PLTP: variants seen among roughly 807,000 people sequenced by gnomAD.
The protein encoded by PLTP is phospholipid transfer protein, also known as BPI fold containing family E.
A neutral mutation model predicts 54.1 loss-of-function variants in PLTP; 43 were observed. The ratio of observed to expected loss-of-function variants is 0.79; its 90% CI spans 0.62 to 1.02. PLTP has a LOEUF of 1.02. Among genes scored for constraint, PLTP ranks in the 50% least tolerant of loss-of-function variants. PLTP has a pLI of 0.00. For missense variants in PLTP, 604 were observed against 645.9 expected, an observed-to-expected ratio of 0.94 and a Z score of 0.70; for synonymous variants, 263 against 264.6, an observed-to-expected ratio of 0.99 and a Z score of 0.06.
chr20:45,910,486 G>T (rs964750958), intron 3 of PLTP, among the ~76,000 whole-genome samples: 16 of 152,042 alleles, frequency 1.1e-4, no homozygotes, highest in African/African-American at 3.9e-4. Context: ...GTGGTGGCAC[G>T]CGCCTGTAGT....
chr20:45,909,472 G>C (rs555395940), intron 5 of PLTP, 44 bp downstream of exon 5: 5 of 1,609,106 alleles, frequency 3.1e-6, no homozygotes, highest in Non-Finnish European at 4.3e-6. Context: ...CAGATGAGCT[G>C]TGGGGCTCGA....
intron 11 of PLTP, 45 bp from the exon 12 acceptor site, chr20:45,902,379 GTA>G (rs2083194898): frequency 6.2e-7 from 1 of 1,613,898 alleles, no homozygotes; most frequent in African/African-American, 1.3e-5. Context: ...CAGAAGGTCA[GTA>G]ACCCACAGCC....
chr20:45,900,398 C>T (rs1003529416), intron 12 of PLTP, among the ~76,000 whole-genome samples: 1 of 151,984 alleles, frequency 6.6e-6, no homozygotes, highest in Admixed American at 6.6e-5. Context: ...AGCCACCACG[C>T]CCGGCCTTTA....
intron 9 of PLTP, 30 bp from the exon 10 acceptor site, chr20:45,904,889 G>A (rs753641491): frequency 6.2e-7 from 1 of 1,614,072 alleles, no homozygotes; most frequent in South Asian, 1.1e-5. Context: ...GTGAGGGAGT[G>A]AGCTCTGTCA....
chr20:45,909,293 A>G (rs2083267806), intron 5 of PLTP, among the ~76,000 whole-genome samples: 1 of 151,960 alleles, frequency 6.6e-6, no homozygotes, highest in Non-Finnish European at 1.5e-5. Context: ...ATATACCAAC[A>G]CAAATAATCC....
At chr20:45,899,157 C>CA in intron 15 of PLTP, 94 bp from the exon 16 acceptor site, 2 of 1,525,506 alleles carry the variant, frequency 1.3e-6, no homozygotes, top group Non-Finnish European at 1.8e-6. Flanking sequence ...TTCAGGAACT[C>CA]AATCTAATGG....
rs1422549906 is a variant in PLTP at position 45,905,035 on chromosome 20, C to T, written c.789G>A (p.Met263Ile). Residue 263 changes from methionine to isoleucine, a missense_variant, in exon 9 of 16, where the codon ATG (methionine) becomes ATA (isoleucine). Transcript: ENST00000372431. ...AGAACTCAGAGAAGGCCACATACAC[C>T]ATCCGCTCTTCCTCCTGCAGCTGGG... ...VEPQLQEEER[M>I]VYVAFSEFFF... 1.2e-6 allele frequency: 2 copies of T among 1,614,098 alleles called. No individual in the cohort carries two copies. The highest frequency in any genetic ancestry group is 1.7e-6 in the Non-Finnish European group (2 of 1,180,044).
At chr20:45,903,109 G>A (rs2083202857) in intron 10 of PLTP, among the ~76,000 whole-genome samples, 2 of 152,118 alleles carry the variant, frequency 1.3e-5, no homozygotes, top group Admixed American at 1.3e-4. Context: ...CGCCATATTG[G>A]CCAGGCTAGT....
At chr20:45,902,145 A>T in intron 12 of PLTP, 122 bp downstream of exon 12, 1 of 1,059,664 alleles carries the variant, frequency 9.4e-7, no homozygotes, top group Non-Finnish European at 1.4e-6. Context: ...GGCATGCATT[A>T]ACAAAGACAG....
chr20:45,909,514 A>C lies in PLTP; in HGVS notation c.485+2T>G. 6.2e-7 allele frequency: 1 copy of C among 1,614,010 alleles called. No homozygotes were observed. The highest frequency in any genetic ancestry group is 8.5e-7 in the Non-Finnish European group (1 of 1,179,986). ...TGAGCTGGGGTTGGGGCTGGGGCTT[A>C]CTTGAAGGTTCCCCCGAAGGCCGCG... On this transcript the variant is annotated splice_donor_variant, in intron 5 of 15. Coordinates refer to ENST00000372431, the MANE Select transcript of PLTP (RefSeq NM_006227.4). LOFTEE classifies it high-confidence loss of function.
intron 10 of PLTP, among the ~76,000 whole-genome samples, chr20:45,903,418 C>T (rs942221633): frequency 9.2e-5 from 14 of 152,242 alleles, no homozygotes; most frequent in Middle Eastern, 3.4e-3. Context: ...TTCGTAGAGA[C>T]GGGGTTTGGC....
At position 45,911,409 on chromosome 20, in the gene PLTP, G is replaced by A; in HGVS notation, c.44C>T (p.Ala15Val). ...GALFLALLAGAHAEFPGCKIR... is the reference protein window; with the variant it reads ...GALFLALLAGVHAEFPGCKIR... ...CTTGCAGCCTGGGAACTCTGCATGT[G>A]CGCCTGCCAGCAGCGCTAGGAAGAG... Residue 15 changes from alanine (A) to valine (V), a missense_variant, in exon 2 of 16, where the codon GCA becomes GTA. Physicochemically the swap from Ala to Val is moderately conservative, Grantham distance 64 (BLOSUM62 0). Transcript: ENST00000372431. 1.2e-6 allele frequency: 2 copies of A among 1,608,652 alleles called. No individual in the cohort carries two copies. Among genetic ancestry groups the A allele is most frequent in the Non-Finnish European group, 1.7e-6 (2 of 1,179,998 alleles).
intron 5 of PLTP, 50 bp downstream of exon 5, chr20:45,909,466 T>C (rs1268514065): frequency 6.2e-7 from 1 of 1,604,716 alleles, no homozygotes. Flanking sequence ...GCTAGGCAGA[T>C]GAGCTGTGGG....
At chr20:45,906,166 G>T in intron 8 of PLTP, 102 bp downstream of exon 8, 1 of 783,760 alleles carries the variant, frequency 1.3e-6, no homozygotes, top group Non-Finnish European at 2.3e-6. Context: ...AATGGGAGTG[G>T]CCTCATCAGA....
intron 12 of PLTP, among the ~76,000 whole-genome samples, chr20:45,900,619 C>G (rs1042352946): frequency 6.6e-6 from 1 of 152,048 alleles, no homozygotes; most frequent in African/African-American, 2.4e-5. Context: ...CTTTGACCTC[C>G]AGGGCTCAAG....
rs371226806 is a variant in PLTP, at chr20:45,899,842, C to T, written c.1212G>A (p.Ser404=). 1.6e-5 allele frequency: 24 copies of T among 1,542,760 alleles called. No homozygotes were observed. The African/African-American group carries it at 1.8e-4, about 12-fold the overall frequency. Residue 404 remains serine, a synonymous_variant, in exon 13 of 16, where the codon TCG becomes TCA. Coordinates refer to ENST00000372431, the MANE Select transcript of PLTP (RefSeq NM_006227.4). ...RIYSNHSALE[S]LALIPLQAPL... ...CCCACCCTTCCCCACTCACAGCCAGCGACTCCAGTGCAGAATGGTTGGAAT... is the reference window on the plus strand; with the variant it reads ...CCCACCCTTCCCCACTCACAGCCAGTGACTCCAGTGCAGAATGGTTGGAAT...
In PLTP at chr20:45,898,857, C is replaced by A; in HGVS notation, c.*84G>T. 2 of 1,475,158 alleles carry A rather than the reference C, an allele frequency of 1.4e-6. No homozygotes were observed. Among genetic ancestry groups the A allele is most frequent in the Non-Finnish European group, 9.3e-7 (1 of 1,077,976 alleles). 91.4% of individuals were successfully genotyped at this position (1,475,158 alleles called of 1,614,324 possible). A position where few individuals can be genotyped will look rare whatever the true frequency, so the allele number is the denominator to read the frequency against. Reference sequence around the variant, plus strand: ...CTGTGGCACTGGGGGTTAGAGGGGGCACTACAGGCTATGAATGTGGGAAAA... The same window carrying A: ...CTGTGGCACTGGGGGTTAGAGGGGGAACTACAGGCTATGAATGTGGGAAAA... On this transcript the variant is annotated 3_prime_UTR_variant, in exon 16 of 16. Transcript: ENST00000372431. The surrounding 1 kb of genome is among the most constrained non-coding windows in gnomAD (Gnocchi z 4.6).
intron 12 of PLTP, 35 bp from the exon 13 acceptor site, chr20:45,899,913 C>G (rs2083164743): frequency 6.5e-7 from 1 of 1,538,208 alleles, no homozygotes; most frequent in Non-Finnish European, 8.8e-7. Context: ...GGGCAGGAAG[C>G]CTGGAAGCTC....
chr20:45,910,141 T>C, intron 3 of PLTP, 71 bp from the exon 4 acceptor site: 1 of 1,565,732 alleles, frequency 6.4e-7, no homozygotes, highest in East Asian at 2.3e-5. Context: ...GAAATTTGTC[T>C]GCTCCCCTTT....
Sources: gnomAD v4.1 joint callset for allele counts (sites outside exome capture counted in the v4.1 genomes callset) on GRCh38, gnomAD v4.1.1 for gene constraint, Gnocchi (gnomAD v3.1) non-coding constraint, MANE v1.5 for transcripts, NCBI Gene and HGNC (gene_info 2026-07-23, HGNC 2026-07-21) for gene names.